The following UBE2S variants were observed in gnomAD, a reference collection of about 807,000 sequenced individuals.
The protein encoded by UBE2S is ubiquitin conjugating enzyme E2 S.
UBE2S carries 3 observed loss-of-function variants against 12.3 expected under a neutral mutation model. That is an observed-to-expected ratio of 0.24 (90% CI 0.11 to 0.63). UBE2S has a LOEUF of 0.63. UBE2S is among the 30% of genes least tolerant of loss of function. The pLI, the probability that UBE2S is intolerant of heterozygous loss-of-function variation, is 0.85. For missense variants in UBE2S, 211 were observed against 313.9 expected (o/e 0.67, Z 2.48); for synonymous variants, 133 against 142.0 (o/e 0.94, Z 0.45).
chr19:55,406,733 G>T, intron 2 of UBE2S, 82 bp downstream of exon 2: 1 of 1,514,480 alleles, frequency 6.6e-7, no homozygotes, highest in Non-Finnish European at 8.9e-7. Flanking sequence ...GCCTGTAATG[G>T]GTACTTCCCG....
Position 55,407,748 on chromosome 19 carries a change from G to T in UBE2S, c.-159C>A, listed in dbSNP as rs943613879. The T allele has an allele frequency of 2.6e-5, 12 of 470,584 alleles. No individual in the cohort carries two copies. Among genetic ancestry groups the T allele is most frequent in the Non-Finnish European group, 4.0e-5 (12 of 302,770 alleles). 29.2% of individuals were successfully genotyped at this position (470,584 alleles called of 1,614,324 possible). ...GCCTCCGACGTCCGCCGCGCACAGC[G>T]TAGACCAACCCGCCGCCCCGGTGCC... On this transcript the variant is annotated 5_prime_UTR_variant, in exon 1 of 4. Coordinates refer to ENST00000264552, the MANE Select transcript of UBE2S (RefSeq NM_014501.3).
intron 1 of UBE2S, among the ~76,000 whole-genome samples, chr19:55,407,204 C>CG (rs1179482813): frequency 1.4e-5 from 2 of 147,976 alleles, no homozygotes; most frequent in African/African-American, 5.2e-5. Flanking sequence ...AACCCCCCCC[C>CG]CAAAGCCCGC....
chr19:55,403,288 C>A, intron 3 of UBE2S: 1 of 569,840 alleles, frequency 1.8e-6, no homozygotes, highest in Non-Finnish European at 3.1e-6. Flanking sequence ...TCAGCTTTAG[C>A]AAAAAAGCCT....
At chr19:55,402,250 C>T (rs1296466919) in intron 3 of UBE2S, among the ~76,000 whole-genome samples, 1 of 152,252 alleles carries the variant, frequency 6.6e-6, no homozygotes, top group Non-Finnish European at 1.5e-5. Context: ...GCGTGTTGGA[C>T]TCTAAAGCTC....
At chr19:55,405,876 C>CTAGG (rs766477901) in intron 2 of UBE2S, among the ~76,000 whole-genome samples, 12 of 152,274 alleles carry the variant, frequency 7.9e-5, no homozygotes, top group Non-Finnish European at 1.6e-4. Context: ...CACCGGCCTG[C>CTAGG]TAGGTCCTCC....
At chr19:55,406,726 TGTAATGGGTACTTCCCGCTAGG>T in intron 2 of UBE2S, 67 bp downstream of exon 2, 23 of 1,497,516 alleles carry the variant, frequency 1.5e-5, no homozygotes, top group South Asian at 1.3e-4. Context: ...GAGGCCAGCC[TGTAATGGGTACTTCCCGCTAGG>T]GTGATCTAGA....
At chr19:55,406,687 G>GCT in intron 2 of UBE2S, 128 bp downstream of exon 2, 1 of 1,209,504 alleles carries the variant, frequency 8.3e-7, no homozygotes. Flanking sequence ...GTCCTGCCCT[G>GCT]TCCACCAATG....
intron 1 of UBE2S, 103 bp downstream of exon 1, chr19:55,407,484 C>T (rs2090104153): frequency 2.3e-6 from 3 of 1,299,454 alleles, no homozygotes; most frequent in Non-Finnish European, 3.1e-6. Context: ...CCCAGGCTGG[C>T]CCTCAAACCC....
Position 55,401,745 on chromosome 19 carries a change from C to G in UBE2S, c.360G>C (p.Leu120=). Residue 120 remains leucine (L), a synonymous_variant, in exon 4 of 4, where the codon CTG becomes CTC. Coordinates refer to ENST00000264552, the MANE Select transcript of UBE2S (RefSeq NM_014501.3). ...RHVLLTIKCL[L]IHPNPESALN... ...GTGCAGACTCGGGGTTAGGGTGGAT[C>G]AGCAGGCACTTGATGGTCTGTGGGA... 6.2e-7 allele frequency: 1 copy of G among 1,613,294 alleles called. No homozygotes were observed. The highest frequency in any genetic ancestry group is 1.3e-5 in the African/African-American group (1 of 75,070).
rs1448801626 is a variant in UBE2S, at chr19:55,399,943, C to G, written c.*1493G>C. ...TCTGAAAATCTGAAGGGTTTCTTCC[C>G]TTGTCTTTCCTTCGCTCCCTGCACT... On this transcript the variant is annotated 3_prime_UTR_variant, in exon 4 of 4. Coordinates refer to ENST00000264552, the MANE Select transcript of UBE2S (RefSeq NM_014501.3). 2 of 152,122 alleles carry G rather than the reference C, an allele frequency of 1.3e-5. No individual in the cohort carries two copies. The highest frequency in any genetic ancestry group is 4.8e-5 in the African/African-American group (2 of 41,418). The allele number at this position is 152,122 out of a possible 1,614,324, so 9.4% of individuals were successfully genotyped here. A position where few individuals can be genotyped will look rare whatever the true frequency, so the allele number is the denominator to read the frequency against.
intron 3 of UBE2S, among the ~76,000 whole-genome samples, chr19:55,403,532 A>G (rs548251693): frequency 2.8e-4 from 42 of 148,962 alleles, no homozygotes; most frequent in Middle Eastern, 3.5e-3. Flanking sequence ...AAGAAAAAGG[A>G]AAGAAAGAAG....
In UBE2S at chr19:55,400,242, C is replaced by CT. The variant is rs2090047137; in HGVS notation, c.*1193dup. 1 of 152,230 alleles carries CT rather than the reference C, an allele frequency of 6.6e-6. No individual in the cohort carries two copies. Among genetic ancestry groups the CT allele is most frequent in the Non-Finnish European group, 1.5e-5 (1 of 68,044 alleles). 9.4% of individuals were successfully genotyped at this position (152,230 alleles called of 1,614,324 possible). ...ATCTCACTGTGTTGCCCACGTTCGT[C>CT]TTTAACTCCTGGCCTCAAGTGATCC... On this transcript the variant is annotated 3_prime_UTR_variant, in exon 4 of 4. Coordinates refer to ENST00000264552, the MANE Select transcript of UBE2S (RefSeq NM_014501.3).
chr19:55,406,391 CG>C (rs2090096227), intron 2 of UBE2S, among the ~76,000 whole-genome samples: 1 of 152,164 alleles, frequency 6.6e-6, no homozygotes, highest in South Asian at 2.1e-4. Context: ...ATTCATGACC[CG>C]TCTCCCCACG....
chr19:55,404,237 C>T lies in UBE2S; in HGVS notation c.342+51G>A, dbSNP rs767134972. 24 of 1,607,318 alleles carry T rather than the reference C, an allele frequency of 1.5e-5. No individual in the cohort carries two copies. The highest frequency in any genetic ancestry group is 5.5e-5 in the South Asian group (5 of 90,774). Reference sequence around the variant, plus strand: ...CAAAGCGCTATGGCTCAGACACCAGCAGACCTCCAGAGGCAGGAGGCAGGA... The same window carrying T: ...CAAAGCGCTATGGCTCAGACACCAGTAGACCTCCAGAGGCAGGAGGCAGGA... On this transcript the variant is annotated intron_variant, in intron 3 of 3. Coordinates refer to ENST00000264552, the MANE Select transcript of UBE2S (RefSeq NM_014501.3). This position sits in a 1 kb window ranked among gnomAD's most constrained non-coding sequence, Gnocchi z 4.4.
chr19:55,402,217 C>T (rs575661002), intron 3 of UBE2S, among the ~76,000 whole-genome samples: 1 of 152,348 alleles, frequency 6.6e-6, no homozygotes, highest in African/African-American at 2.4e-5. Context: ...CCCAGGGCCT[C>T]AGGATTTGAG....
In UBE2S at chr19:55,401,510, G is replaced by A. The variant is rs994456561; in HGVS notation, c.595C>T (p.His199Tyr). Reference sequence around the variant, plus strand: ...AGCTTCTTATCGCGCTCGCCAGCATGCTTCTTGGCCATGGGACCCTCAGCC... The same window carrying A: ...AGCTTCTTATCGCGCTCGCCAGCATACTTCTTGGCCATGGGACCCTCAGCC... ...GGAEGPMAKK[H>Y]AGERDKKLAA... Residue 199 changes from histidine (H) to tyrosine (Y), a missense_variant, in exon 4 of 4, where the codon CAT (histidine) becomes TAT (tyrosine). Physicochemically the swap from His to Tyr is moderately conservative, Grantham distance 83. Transcript: ENST00000264552. 2.5e-6 allele frequency: 4 copies of A among 1,610,138 alleles called. No individual in the cohort carries two copies. The highest frequency in any genetic ancestry group is 3.4e-6 in the Non-Finnish European group (4 of 1,179,704).
rs753767993 is a variant in UBE2S, at chr19:55,400,175, A to T, written c.*1261T>A. Reference sequence around the variant, plus strand: ...CACTCTCCTATGGGTCAGAACTTGTAGATTTTTATTGTAAATGTATTTTAC... The same window carrying T: ...CACTCTCCTATGGGTCAGAACTTGTTGATTTTTATTGTAAATGTATTTTAC... On this transcript the variant is annotated 3_prime_UTR_variant, in exon 4 of 4. Coordinates refer to ENST00000264552, the MANE Select transcript of UBE2S (RefSeq NM_014501.3). 1.3e-5 allele frequency: 2 copies of T among 152,180 alleles called. No individual in the cohort carries two copies. The highest frequency in any genetic ancestry group is 2.9e-5 in the Non-Finnish European group (2 of 68,030). The allele number at this position is 152,180 out of a possible 1,614,324, so 9.4% of individuals were successfully genotyped here.
intron 3 of UBE2S, 38 bp from the exon 4 acceptor site, chr19:55,401,800 A>G: frequency 6.2e-7 from 1 of 1,608,164 alleles, no homozygotes; most frequent in Non-Finnish European, 8.5e-7. Context: ...GGGTCGGGCA[A>G]CCTACAGGGA....
intron 1 of UBE2S, among the ~76,000 whole-genome samples, chr19:55,407,238 T>C (rs565266423): frequency 9.2e-6 from 1 of 108,252 alleles, no homozygotes; most frequent in African/African-American, 3.6e-5. Flanking sequence ...TGGTCCCCAG[T>C]GGTTCCACGT....
Sources: gnomAD v4.1 joint callset for allele counts (sites outside exome capture counted in the v4.1 genomes callset) on GRCh38, gnomAD v4.1.1 for gene constraint, Gnocchi (gnomAD v3.1) non-coding constraint, MANE v1.5 for transcripts, NCBI Gene and HGNC (gene_info 2026-07-23, HGNC 2026-07-21) for gene names.